Variants in KCNMA1 observed in about 807,000 individuals in gnomAD.
The protein encoded by KCNMA1 is Calcium-activated potassium channel subunit alpha-1.
KCNMA1 carries 29 observed loss-of-function variants against 140.0 expected under a neutral mutation model. The ratio of observed to expected loss-of-function variants is 0.21; its 90% CI spans 0.15 to 0.28. KCNMA1 has a LOEUF of 0.28. Ranked by LOEUF, KCNMA1 falls within the 10% of genes least tolerant of loss-of-function variation. The pLI, the probability that KCNMA1 is intolerant of heterozygous loss-of-function variation, is 1.00. For synonymous variants in KCNMA1, 612 were observed against 611.9 expected, an observed-to-expected ratio of 1.00 and a Z score of 0.00; for missense variants, 880 against 1,602.2, an observed-to-expected ratio of 0.55 and a Z score of 7.70.
intron 1 of KCNMA1, among the ~76,000 whole-genome samples, chr10:77,491,682 C>T (rs1197816998): frequency 6.6e-6 from 1 of 150,778 alleles, no homozygotes; most frequent in Non-Finnish European, 1.5e-5. Context: ...AACTGTGGGC[C>T]TCACCCTGGG....
chr10:76,978,994 C>A (rs2078562669), intron 19 of KCNMA1, among the ~76,000 whole-genome samples: 1 of 152,116 alleles, frequency 6.6e-6, no homozygotes, highest in Middle Eastern at 3.4e-3. Flanking sequence ...TATCATTTAT[C>A]TTGATTCCTG....
Position 76,926,833 on chromosome 10 carries a change from G to T in KCNMA1, c.2903-11784C>A, listed in dbSNP as rs111893432. On this transcript the variant is annotated intron_variant, in intron 23 of 27. Transcript: ENST00000286628. ...CATATCAACATTTCATACAAGAGAT[G>T]CGCACCAAATACATTAAACCACAAC... 8.6e-3 allele frequency among the ~76,000 whole-genome samples: 1,306 copies of T among 152,174 alleles called. 17 individuals carry two copies. Among genetic ancestry groups the T allele is most frequent in the African/African-American group, 0.03 (1,259 of 41,520 alleles).
downstream of KCNMA1, chr10:76,874,762 T>C (rs942345207): frequency 6.6e-6 from 1 of 152,254 alleles, no homozygotes; most frequent in East Asian, 1.9e-4. Context: ...TCACAATCAC[T>C]TTTATTTAAG....
At position 77,441,521 on chromosome 10, in the gene KCNMA1, G is replaced by A. The variant is rs934494495; in HGVS notation, c.379-37498C>T. The stretch of plus-strand genomic sequence containing the variant: ...AGGACTTTAGAATTTGGCACTCTGC[G>A]TCATCAGGGAAGCAAGTAAATATGA... On this transcript the variant is annotated intron_variant, in intron 1 of 27. Transcript: ENST00000286628. Among the ~76,000 whole-genome samples, 5 of 152,142 alleles carry A rather than the reference G, an allele frequency of 3.3e-5. No homozygotes were observed. In the East Asian group the frequency reaches 7.7e-4, roughly 23 times the overall value.
chr10:77,204,568 A>G, intron 3 of KCNMA1, among the ~76,000 whole-genome samples: 1 of 152,188 alleles, frequency 6.6e-6, no homozygotes, highest in East Asian at 1.9e-4. Flanking sequence ...TAAACATTAT[A>G]AAATTAATCA....
rs540580076 is a variant in KCNMA1 at position 76,945,932 on chromosome 10, G to A, written c.2710-967C>T. ...CCCTCTGGGAAGGGAAATAGGATTC[G>A]TGGGGGTGAGGGGAAAGTTTGCTTT... is the stretch of plus-strand genomic sequence containing the variant. On this transcript the variant is annotated intron_variant, in intron 22 of 27. Transcript: ENST00000286628. 1.1e-4 allele frequency among the ~76,000 whole-genome samples: 16 copies of A among 152,274 alleles called. No homozygotes were observed. The Middle Eastern group carries it at 0.01, about 97-fold the overall frequency.
chr10:77,108,211 C>T lies in KCNMA1; in HGVS notation c.1223+270G>A. On this transcript the variant is annotated intron_variant, in intron 9 of 27. Transcript: ENST00000286628. This position sits in a 1 kb window ranked among gnomAD's most constrained non-coding sequence, Gnocchi z 4.6. ...AGCACCCGGTGGGGTTGGGGAGGGG[C>T]AGAATTCAGATGGCACCTCCACAGG... 1 of 1,184,456 alleles carries T rather than the reference C, an allele frequency of 8.4e-7. No homozygotes were observed. The highest frequency in any genetic ancestry group is 1.1e-6 in the Non-Finnish European group (1 of 870,970). 73.4% of individuals were successfully genotyped at this position (1,184,456 alleles called of 1,614,324 possible).
intron 2 of KCNMA1, among the ~76,000 whole-genome samples, chr10:77,389,047 G>T (rs796293974): frequency 1.4e-4 from 21 of 152,308 alleles, no homozygotes; most frequent in African/African-American, 5.1e-4. Flanking sequence ...GGGAGTCTTT[G>T]CTTAAATCAT....
intron 1 of KCNMA1, among the ~76,000 whole-genome samples, chr10:77,626,394 A>G (rs1203780344): frequency 1.3e-5 from 2 of 152,294 alleles, no homozygotes; most frequent in African/African-American, 2.4e-5. Flanking sequence ...CTGGGAGGAA[A>G]GTGTTCCCAG....
chr10:76,985,036 G>C (rs569501467), intron 19 of KCNMA1, among the ~76,000 whole-genome samples: 1 of 152,156 alleles, frequency 6.6e-6, no homozygotes, highest in Non-Finnish European at 1.5e-5. Flanking sequence ...GCCCTTCTGC[G>C]GCTTGCAGGC....
intron 2 of KCNMA1, among the ~76,000 whole-genome samples, chr10:77,387,887 G>T (rs755240103): frequency 1.3e-5 from 2 of 152,222 alleles, no homozygotes; most frequent in Middle Eastern, 3.4e-3. Context: ...CAAAGTGCTG[G>T]GATTACAGAC....
chr10:77,615,518 G>T (rs961692849), intron 1 of KCNMA1, among the ~76,000 whole-genome samples: 1 of 152,172 alleles, frequency 6.6e-6, no homozygotes. Context: ...GAGCCACCAG[G>T]GACCCTCAGA....
At chr10:76,942,888 A>G (rs2062936092) in intron 23 of KCNMA1, among the ~76,000 whole-genome samples, 1 of 152,076 alleles carries the variant, frequency 6.6e-6, no homozygotes, top group African/African-American at 2.4e-5. Context: ...AGCATCTACC[A>G]AGGGTTGGTC....
At chr10:76,980,979 T>C (rs1043482404) in intron 19 of KCNMA1, among the ~76,000 whole-genome samples, 2 of 152,162 alleles carry the variant, frequency 1.3e-5, no homozygotes, top group African/African-American at 2.4e-5. Flanking sequence ...ATCTAATAGG[T>C]TGTTGTGAGA....
chr10:77,626,222 T>C (rs975663220), intron 1 of KCNMA1, among the ~76,000 whole-genome samples: 4 of 152,170 alleles, frequency 2.6e-5, no homozygotes, highest in Non-Finnish European at 5.9e-5. Context: ...ATTGGGTTTT[T>C]TTTTTTTAGA....
chr10:77,497,214 T>A (rs1603629791), intron 1 of KCNMA1, among the ~76,000 whole-genome samples: 1 of 152,246 alleles, frequency 6.6e-6, no homozygotes, highest in Non-Finnish European at 1.5e-5. Context: ...TATTATCAAC[T>A]GTCTTTTATG....
intron 1 of KCNMA1, among the ~76,000 whole-genome samples, chr10:77,528,498 A>T (rs1229652722): frequency 1.3e-5 from 2 of 151,832 alleles, no homozygotes; most frequent in Non-Finnish European, 2.9e-5. Flanking sequence ...TAATCCCAGC[A>T]ACTCGGGAGG....
At chr10:77,590,890 T>C (rs1407001497) in intron 1 of KCNMA1, among the ~76,000 whole-genome samples, 2 of 152,246 alleles carry the variant, frequency 1.3e-5, no homozygotes, top group Non-Finnish European at 2.9e-5. Context: ...ATGTTCTTCC[T>C]GACCAAATGC....
At chr10:77,179,901 C>G (rs747988398) in intron 5 of KCNMA1, among the ~76,000 whole-genome samples, 67 of 152,314 alleles carry the variant, frequency 4.4e-4, no homozygotes, top group Admixed American at 1.0e-3. Flanking sequence ...ATAGTAGTGT[C>G]TCTATGAGTA....
Sources: gnomAD v4.1 joint callset for allele counts (sites outside exome capture counted in the v4.1 genomes callset) on GRCh38, gnomAD v4.1.1 for gene constraint, Gnocchi (gnomAD v3.1) non-coding constraint, MANE v1.5 for transcripts, NCBI Gene and HGNC (gene_info 2026-07-23, HGNC 2026-07-21) for gene names.